The following CTNNBL1 variants were observed in gnomAD, a reference collection of about 807,000 sequenced individuals.
CTNNBL1 encodes the protein catenin beta like 1, also known as beta-catenin-like protein 1.
In CTNNBL1, 31 loss-of-function variants were observed where a neutral mutation model predicts 72.7. The observed-to-expected ratio is 0.43, with a 90% CI of 0.32 to 0.58. The LOEUF is 0.58. Among genes scored for constraint, CTNNBL1 ranks in the 20% least tolerant of loss-of-function variants. The pLI, the probability that CTNNBL1 is intolerant of heterozygous loss-of-function variation, is 0.08. For synonymous variants in CTNNBL1, 240 were observed against 267.3 expected (o/e 0.90, Z 1.00); for missense variants, 534 against 725.1 (o/e 0.74, Z 3.03).
intron 11 of CTNNBL1, among the ~76,000 whole-genome samples, chr20:37,813,557 T>G (rs1157803741): frequency 6.6e-6 from 1 of 152,206 alleles, no homozygotes; most frequent in Non-Finnish European, 1.5e-5. Context: ...ATCACTCCTG[T>G]TTTTCTTTTG....
chr20:37,777,729 C>T lies in CTNNBL1; in HGVS notation c.882+17C>T, dbSNP rs750647787. On this transcript the variant is annotated intron_variant, in intron 9 of 15. Transcript: ENST00000361383. ...CAGTTATCCGTGAGTAATTCTTATG[C>T]TTCCTGTCTGCTGTAAGATACATGG... 5.6e-6 allele frequency: 9 copies of T among 1,611,758 alleles called. No individual in the cohort carries two copies. Among genetic ancestry groups the T allele is most frequent in the Non-Finnish European group, 5.1e-6 (6 of 1,177,972 alleles).
chr20:37,810,270 G>A lies in CTNNBL1; in HGVS notation c.1213+7222G>A, dbSNP rs576431951. 9.2e-5 allele frequency among the ~76,000 whole-genome samples: 14 copies of A among 152,210 alleles called. No homozygotes were observed. The South Asian group carries it at 2.3e-3, about 25-fold the overall frequency. On this transcript the variant is annotated intron_variant, in intron 11 of 15. Transcript: ENST00000361383. ...AGGGACTCATGCTGTGTCAACTCAC[G>A]GTGGAAGGCAAAAAGGGAAGAGATC...
At chr20:37,838,054 A>G (rs1362689306) in intron 11 of CTNNBL1, among the ~76,000 whole-genome samples, 1 of 152,246 alleles carries the variant, frequency 6.6e-6, no homozygotes, top group Non-Finnish European at 1.5e-5. Flanking sequence ...CGCTGAGAGG[A>G]TGACAGTGGA....
At chr20:37,842,105 G>T (rs746001395) in intron 12 of CTNNBL1, 3 of 439,420 alleles carry the variant, frequency 6.8e-6, no homozygotes, top group Admixed American at 3.9e-5. Context: ...GCCTCCTTTC[G>T]GGAATGGGCC....
At chr20:37,867,170 CT>C (rs1163282549) in intron 15 of CTNNBL1, among the ~76,000 whole-genome samples, 1 of 152,228 alleles carries the variant, frequency 6.6e-6, no homozygotes, top group Non-Finnish European at 1.5e-5. Context: ...CAAGGAATCT[CT>C]GTTAGACCTG....
chr20:37,853,748 A>C (rs1253995953), intron 13 of CTNNBL1, among the ~76,000 whole-genome samples: 1 of 152,238 alleles, frequency 6.6e-6, no homozygotes, highest in Non-Finnish European at 1.5e-5. Context: ...ACACTTTCTC[A>C]CTTTCTTGTT....
At position 37,779,222 on chromosome 20, in the gene CTNNBL1, G is replaced by A; in HGVS notation, c.918G>A (p.Glu306=). 2 of 1,613,718 alleles carry A rather than the reference G, an allele frequency of 1.2e-6. No individual in the cohort carries two copies. The highest frequency in any genetic ancestry group is 1.7e-6 in the Non-Finnish European group (2 of 1,179,714). ...GACACAATCCCAGCACGGCTGAGGA[G>A]CAGGAGATGATGGAGAATCTGTTTG... ...FKRHNPSTAE[E]QEMMENLFDS... is the part of the protein sequence containing the mutation. Residue 306 remains glutamate, a synonymous_variant, in exon 10 of 16, where the codon GAG becomes GAA. Coordinates refer to ENST00000361383, the MANE Select transcript of CTNNBL1 (RefSeq NM_030877.5).
intron 11 of CTNNBL1, among the ~76,000 whole-genome samples, chr20:37,822,708 TCAGTAGCTCTGAAAACTTG>T (rs1459766099): frequency 6.6e-6 from 1 of 152,224 alleles, no homozygotes; most frequent in African/African-American, 2.4e-5. Context: ...TCTCTGGCTC[TCAGTAGCTCTGAAAACTTG>T]GGTAAGGCTC....
chr20:37,864,036 G>A (rs1416737043), intron 15 of CTNNBL1, among the ~76,000 whole-genome samples: 5 of 152,152 alleles, frequency 3.3e-5, no homozygotes, highest in South Asian at 4.1e-4. Context: ...CCTGAACAGG[G>A]TGCTGCAAGG....
intron 11 of CTNNBL1, among the ~76,000 whole-genome samples, chr20:37,822,236 G>T (rs2072114386): frequency 6.6e-6 from 1 of 152,166 alleles, no homozygotes; most frequent in African/African-American, 2.4e-5. Context: ...GCCGTGGTGT[G>T]GGTGTCTTCC....
chr20:37,704,014 T>G (rs2072865565), intron 1 of CTNNBL1, among the ~76,000 whole-genome samples: 1 of 152,086 alleles, frequency 6.6e-6, no homozygotes, highest in Non-Finnish European at 1.5e-5. Context: ...TGACCTCAGG[T>G]GATCCACCTG....
chr20:37,709,150 A>G (rs967588598), intron 1 of CTNNBL1, among the ~76,000 whole-genome samples: 2 of 152,256 alleles, frequency 1.3e-5, no homozygotes, highest in East Asian at 3.9e-4. Context: ...AACAAACAAA[A>G]AAAAAGAGGG....
At chr20:37,844,821 G>A (rs1435363406) in intron 13 of CTNNBL1, among the ~76,000 whole-genome samples, 1 of 152,138 alleles carries the variant, frequency 6.6e-6, no homozygotes, top group Non-Finnish European at 1.5e-5. Context: ...GATGGCGCAC[G>A]CGTGTAATCC....
At chr20:37,801,881 G>C (rs1600496721) in intron 10 of CTNNBL1, among the ~76,000 whole-genome samples, 1 of 152,160 alleles carries the variant, frequency 6.6e-6, no homozygotes, top group East Asian at 1.9e-4. Context: ...GAAATAAGAA[G>C]CATCTATATT....
At chr20:37,854,427 G>A (rs2072421144) in intron 13 of CTNNBL1, among the ~76,000 whole-genome samples, 1 of 151,830 alleles carries the variant, frequency 6.6e-6, no homozygotes, top group Non-Finnish European at 1.5e-5. Context: ...CACAAACATG[G>A]TAGCATGAAA....
chr20:37,740,245 C>T (rs2073204161), intron 3 of CTNNBL1, among the ~76,000 whole-genome samples: 1 of 151,894 alleles, frequency 6.6e-6, no homozygotes, highest in Admixed American at 6.6e-5. Flanking sequence ...GTGTTTTAAC[C>T]TTGAGTTCTT....
intron 11 of CTNNBL1, among the ~76,000 whole-genome samples, chr20:37,824,782 C>A (rs1185609405): frequency 2.0e-5 from 3 of 152,130 alleles, no homozygotes; most frequent in East Asian, 1.9e-4. Context: ...TATAAAAGTG[C>A]CTGGCTTCTA....
At chr20:37,819,171 G>A (rs1350990908) in intron 11 of CTNNBL1, among the ~76,000 whole-genome samples, 3 of 152,172 alleles carry the variant, frequency 2.0e-5, no homozygotes, top group African/African-American at 7.2e-5. Context: ...GTGTGTGTAT[G>A]TAAAAATGTT....
At chr20:37,804,796 G>A (rs1256558074) in intron 11 of CTNNBL1, among the ~76,000 whole-genome samples, 1 of 152,258 alleles carries the variant, frequency 6.6e-6, no homozygotes, top group Non-Finnish European at 1.5e-5. Flanking sequence ...GATTCAGTGA[G>A]CAGCTGCTTT....
Sources: gnomAD v4.1 joint callset for allele counts (sites outside exome capture counted in the v4.1 genomes callset) on GRCh38, gnomAD v4.1.1 for gene constraint, MANE v1.5 for transcripts, NCBI Gene and HGNC (gene_info 2026-07-23, HGNC 2026-07-21) for gene names.